The following PCDHGB5 variants were observed in gnomAD, a reference collection of about 807,000 sequenced individuals.
The protein encoded by PCDHGB5 is protocadherin gamma subfamily B, 5, also known as protocadherin gamma-B5.
PCDHGB5 carries 48 observed loss-of-function variants against 62.9 expected under a neutral mutation model. The observed-to-expected ratio is 0.76, with a 90% confidence interval of 0.61 to 0.97. The LOEUF (loss-of-function observed/expected upper bound fraction) is 0.97. PCDHGB5 is among the 50% of genes least tolerant of loss of function. The probability of loss-of-function intolerance (pLI) is 0.00; values close to 1 mark genes in which losing one functional copy is unlikely to be tolerated. For missense variants in PCDHGB5, 1,118 were observed against 1,198.6 expected (o/e 0.93, Z 0.99); for synonymous variants, 474 against 511.2 (o/e 0.93, Z 0.98).
rs568927137 is a variant in PCDHGB5, at chr5:141,410,186, CT to C, written c.2397+9663del. On this transcript the variant is annotated intron_variant, in intron 1 of 3. Coordinates refer to ENST00000617380, the MANE Select transcript of PCDHGB5 (RefSeq NM_018925.3). ...ACTCTCTGCCACCGCCACGCTTCAT[CT>C]GGTCTTCGCAGACAACTTGCAAGAG... 1.6e-5 allele frequency: 26 copies of C among 1,613,940 alleles called. 1 individual carries two copies. In the South Asian group the frequency reaches 2.6e-4, roughly 16 times the overall value.
intron 1 of PCDHGB5, chr5:141,403,720 C>G (rs1266419119): frequency 1.2e-6 from 2 of 1,613,874 alleles, no homozygotes; most frequent in Middle Eastern, 1.6e-4. Context: ...AGAACGTGCC[C>G]CCAGGCACCT....
At position 141,476,791 on chromosome 5, in the gene PCDHGB5, C is replaced by A. The variant is rs766227340; in HGVS notation, c.2398-18016C>A. 1 of 1,613,512 alleles carries A rather than the reference C, an allele frequency of 6.2e-7. No individual in the cohort carries two copies. Among genetic ancestry groups the A allele is most frequent in the Non-Finnish European group, 8.5e-7 (1 of 1,180,014 alleles). On this transcript the variant is annotated intron_variant, in intron 1 of 3. Transcript: ENST00000617380. This position sits in a 1 kb window ranked among gnomAD's most constrained non-coding sequence, Gnocchi z 7.6. ...TGGACGGAGGGACCCCAGCTCTCTC[C>A]GCCAGCCTGCCTATTCACATCAAGG...
chr5:141,401,285 T>TGAGCC (rs2094137060), intron 1 of PCDHGB5, among the ~76,000 whole-genome samples: 1 of 151,918 alleles, frequency 6.6e-6, no homozygotes, highest in Non-Finnish European at 1.5e-5. Context: ...GAGGTTGCGG[T>TGAGCC]GAGCCGAGAT....
intron 1 of PCDHGB5, among the ~76,000 whole-genome samples, chr5:141,481,620 C>G (rs1449979532): frequency 6.6e-6 from 1 of 152,112 alleles, no homozygotes; most frequent in African/African-American, 2.4e-5. Context: ...GAGTTCAAGA[C>G]CGGCCTGGCC....
intron 1 of PCDHGB5, chr5:141,408,622 A>C (rs1481022505): frequency 6.2e-7 from 1 of 1,614,070 alleles, no homozygotes; most frequent in Admixed American, 1.7e-5. Flanking sequence ...AAATACATTT[A>C]GAAATTTTCG....
chr5:141,456,139 C>T (rs999574407), intron 1 of PCDHGB5, among the ~76,000 whole-genome samples: 20 of 152,010 alleles, frequency 1.3e-4, no homozygotes, highest in Admixed American at 9.8e-4. Context: ...CCTCCTGATC[C>T]GCCCGCCTCG....
intron 1 of PCDHGB5, among the ~76,000 whole-genome samples, chr5:141,494,146 T>C (rs1167835696): frequency 1.3e-5 from 2 of 152,168 alleles, no homozygotes; most frequent in Non-Finnish European, 2.9e-5. Context: ...TCACAGACCA[T>C]TGTCTGGCAC....
At chr5:141,460,335 T>C (rs1201595717) in intron 1 of PCDHGB5, among the ~76,000 whole-genome samples, 3 of 152,194 alleles carry the variant, frequency 2.0e-5, no homozygotes, top group Non-Finnish European at 4.4e-5. Flanking sequence ...CTTATGATGA[T>C]TTTCTCCTAT....
At position 141,409,019 on chromosome 5, in the gene PCDHGB5, G is replaced by T; in HGVS notation, c.2397+8495G>T. 2.5e-6 allele frequency: 4 copies of T among 1,613,996 alleles called. No homozygotes were observed. The South Asian group carries it at 3.3e-5, about 13-fold the overall frequency. On this transcript the variant is annotated intron_variant, in intron 1 of 3. Coordinates refer to ENST00000617380, the MANE Select transcript of PCDHGB5 (RefSeq NM_018925.3). The stretch of plus-strand genomic sequence containing the variant: ...GACAGCCACTGACCAGGATGAGGGG[G>T]TCAATGCTGAGATAAACTACTACTT...
chr5:141,442,232 T>A (rs1303447766), intron 1 of PCDHGB5: 2 of 153,276 alleles, frequency 1.3e-5, no homozygotes, highest in Non-Finnish European at 2.9e-5. Context: ...TTCCTTTTTA[T>A]TCTTCCTGAT....
chr5:141,459,843 T>C (rs1328781794), intron 1 of PCDHGB5, among the ~76,000 whole-genome samples: 1 of 152,228 alleles, frequency 6.6e-6, no homozygotes, highest in African/African-American at 2.4e-5. Context: ...TGTCTATTTG[T>C]ATATCTTCTT....
At chr5:141,504,340 G>C (rs1240423982) in intron 2 of PCDHGB5, among the ~76,000 whole-genome samples, 1 of 152,062 alleles carries the variant, frequency 6.6e-6, no homozygotes, top group Non-Finnish European at 1.5e-5. Flanking sequence ...CAAGTGCTAG[G>C]CTTTGTGCTA....
chr5:141,496,251 G>A (rs746722054), intron 2 of PCDHGB5, among the ~76,000 whole-genome samples: 7 of 152,150 alleles, frequency 4.6e-5, no homozygotes, highest in African/African-American at 7.2e-5. Context: ...TGAAGGGGAG[G>A]GAAACTTCAG....
chr5:141,410,827 A>G lies in PCDHGB5; in HGVS notation c.2397+10303A>G. The G allele has an allele frequency of 1.4e-5, 6 of 440,972 alleles. No individual in the cohort carries two copies. The South Asian group carries it at 2.4e-4, about 18-fold the overall frequency. 27.3% of individuals were successfully genotyped at this position (440,972 alleles called of 1,614,324 possible). The stretch of plus-strand genomic sequence containing the variant: ...TCTTTTTGTAAAATAATGTCACCAG[A>G]CTGAAGATATTTTGTCTTTGTCTTT... On this transcript the variant is annotated intron_variant, in intron 1 of 3. Transcript: ENST00000617380.
chr5:141,464,907 T>A lies in PCDHGB5; in HGVS notation c.2398-29900T>A, dbSNP rs187725683. On this transcript the variant is annotated intron_variant, in intron 1 of 3. Transcript: ENST00000617380. ...ATGGATGCCACCATGTCCAGCTAAT[T>A]TTTTTATTTTTTTGTAGAGATGTGA... 4.5e-3 allele frequency among the ~76,000 whole-genome samples: 687 copies of A among 152,148 alleles called. 4 individuals are homozygous for A. Among genetic ancestry groups the A allele is most frequent in the African/African-American group, 0.015 (630 of 41,510 alleles).
intron 2 of PCDHGB5, among the ~76,000 whole-genome samples, chr5:141,495,296 T>TCCTCCAGAG (rs998633800): frequency 1.3e-5 from 2 of 152,054 alleles, no homozygotes; most frequent in Non-Finnish European, 2.9e-5. Flanking sequence ...ACTCAGCGCC[T>TCCTCCAGAG]CCTCCAGAGC....
chr5:141,465,893 C>A (rs926928579), intron 1 of PCDHGB5, among the ~76,000 whole-genome samples: 1 of 151,962 alleles, frequency 6.6e-6, no homozygotes, highest in Non-Finnish European at 1.5e-5. Context: ...GAGGCCGAGG[C>A]GGGCAAATCA....
chr5:141,421,073 G>A (rs2096544393), intron 1 of PCDHGB5: 4 of 613,858 alleles, frequency 6.5e-6, no homozygotes, highest in Non-Finnish European at 1.1e-5. Flanking sequence ...GGAATGAGAT[G>A]GATACTCACA....
At chr5:141,427,355 C>T (rs765449381) in intron 1 of PCDHGB5, 2 of 457,430 alleles carry the variant, frequency 4.4e-6, no homozygotes, top group African/African-American at 2.0e-5. Flanking sequence ...TAACTGAGGA[C>T]GCAGAACCCT....
Sources: gnomAD v4.1 joint callset for allele counts (sites outside exome capture counted in the v4.1 genomes callset) on GRCh38, gnomAD v4.1.1 for gene constraint, Gnocchi (gnomAD v3.1) non-coding constraint, MANE v1.5 for transcripts, NCBI Gene and HGNC (gene_info 2026-07-23, HGNC 2026-07-21) for gene names.